Variants in GXYLT1 observed in about 807,000 individuals in gnomAD.
The protein encoded by GXYLT1 is glucoside xylosyltransferase 1, also known as glycosyltransferase 8 domain containing 3.
GXYLT1 carries 29 observed loss-of-function variants against 54.0 expected under a neutral mutation model. The observed-to-expected ratio is 0.54, with a 90% CI of 0.40 to 0.73. GXYLT1 has a LOEUF of 0.73. Ranked by LOEUF, GXYLT1 falls within the 30% of genes least tolerant of loss-of-function variation. The probability of loss-of-function intolerance (pLI) is 0.00; values close to 1 mark genes in which losing one functional copy is unlikely to be tolerated. For synonymous variants in GXYLT1, 176 were observed against 204.1 expected, an observed-to-expected ratio of 0.86 and a Z score of 1.17; for missense variants, 490 against 553.4, an observed-to-expected ratio of 0.89 and a Z score of 1.15.
intron 1 of GXYLT1, among the ~76,000 whole-genome samples, chr12:42,135,618 T>C (rs1263017378): frequency 3.3e-5 from 5 of 152,226 alleles, no homozygotes; most frequent in Admixed American, 3.3e-4. Flanking sequence ...TGGACTATTA[T>C]TTGTCCATAA....
chr12:42,108,415 T>C (rs981637390), intron 4 of GXYLT1, among the ~76,000 whole-genome samples: 3 of 152,228 alleles, frequency 2.0e-5, no homozygotes, highest in Non-Finnish European at 2.9e-5. Context: ...CTGTGTGTTC[T>C]ATTCATTCCT....
At chr12:42,128,842 T>A (rs770459536) in intron 2 of GXYLT1, among the ~76,000 whole-genome samples, 4 of 149,890 alleles carry the variant, frequency 2.7e-5, no homozygotes, top group African/African-American at 7.4e-5. Context: ...CTGGGTAATT[T>A]AAAAAAAAAA....
intron 3 of GXYLT1, among the ~76,000 whole-genome samples, chr12:42,109,966 C>T (rs1195627217): frequency 6.6e-6 from 1 of 152,138 alleles, no homozygotes; most frequent in Admixed American, 6.5e-5. Flanking sequence ...GAAAGACCCT[C>T]GCAAGTTTGT....
chr12:42,127,697 C>G (rs923342126), intron 2 of GXYLT1, among the ~76,000 whole-genome samples: 1 of 152,170 alleles, frequency 6.6e-6, no homozygotes, highest in South Asian at 2.1e-4. Flanking sequence ...GTATGCTGAA[C>G]TTTTCAAGTT....
chr12:42,092,297 G>C (rs544167318), intron 7 of GXYLT1, among the ~76,000 whole-genome samples: 4 of 152,246 alleles, frequency 2.6e-5, no homozygotes, highest in African/African-American at 9.6e-5. Flanking sequence ...TTCCACCCAC[G>C]TAAGATTAAA....
chr12:42,116,255 G>T (rs981377570), intron 3 of GXYLT1, among the ~76,000 whole-genome samples: 1 of 151,984 alleles, frequency 6.6e-6, no homozygotes, highest in African/African-American at 2.4e-5. Flanking sequence ...AAAAGCAATG[G>T]CAACAAAAGC....
intron 3 of GXYLT1, among the ~76,000 whole-genome samples, chr12:42,113,509 C>A (rs1213233624): frequency 3.3e-5 from 5 of 151,010 alleles, no homozygotes; most frequent in Non-Finnish European, 1.5e-5. Context: ...AGACTTTAAA[C>A]CAACAAAGAT....
At chr12:42,102,436 A>G (rs76232044) in intron 5 of GXYLT1, among the ~76,000 whole-genome samples, 4,471 of 152,210 alleles carry the variant, frequency 0.029, 192 homozygotes, top group East Asian at 0.1. Context: ...GTATTTTTCA[A>G]TTCATTAATG....
intron 2 of GXYLT1, among the ~76,000 whole-genome samples, chr12:42,129,250 A>G (rs2065580649): frequency 6.6e-6 from 1 of 152,204 alleles, no homozygotes; most frequent in African/African-American, 2.4e-5. Context: ...TAAAAGGTCA[A>G]TAAACATTAA....
intron 1 of GXYLT1, among the ~76,000 whole-genome samples, chr12:42,135,283 A>T (rs1411951378): frequency 6.6e-6 from 1 of 152,246 alleles, no homozygotes; most frequent in Non-Finnish European, 1.5e-5. Context: ...GCAAAGTCAT[A>T]GCCATAGACA....
At chr12:42,129,731 A>T (rs746492398) in intron 2 of GXYLT1, 28 bp downstream of exon 2, 2 of 1,411,314 alleles carry the variant, frequency 1.4e-6, no homozygotes, top group Non-Finnish European at 2.0e-6. Context: ...ATCTACACTG[A>T]TCTACCAATT....
intron 1 of GXYLT1, among the ~76,000 whole-genome samples, chr12:42,135,325 T>C (rs532414164): frequency 6.6e-6 from 1 of 152,310 alleles, no homozygotes; most frequent in East Asian, 1.9e-4. Flanking sequence ...ATGCTTGCTA[T>C]TGTAAACTGT....
At chr12:42,098,477 A>C (rs531608131) in intron 5 of GXYLT1, among the ~76,000 whole-genome samples, 12 of 152,008 alleles carry the variant, frequency 7.9e-5, no homozygotes, top group Non-Finnish European at 1.8e-4. Flanking sequence ...CTTAACTTCT[A>C]TAATTGGCAG....
At chr12:42,110,069 T>C (rs1261320767) in intron 3 of GXYLT1, among the ~76,000 whole-genome samples, 1 of 152,172 alleles carries the variant, frequency 6.6e-6, no homozygotes, top group Non-Finnish European at 1.5e-5. Flanking sequence ...CCACCATATA[T>C]ACGATATGAA....
chr12:42,137,595 A>C (rs1381413368), intron 1 of GXYLT1, among the ~76,000 whole-genome samples: 1 of 151,590 alleles, frequency 6.6e-6, no homozygotes, highest in Admixed American at 6.6e-5. Flanking sequence ...GTCTCTACTA[A>C]AAATACAAAA....
At chr12:42,139,883 A>G (rs2065641569) in intron 1 of GXYLT1, among the ~76,000 whole-genome samples, 1 of 152,100 alleles carries the variant, frequency 6.6e-6, no homozygotes, top group South Asian at 2.1e-4. Context: ...ATAACTGCAG[A>G]AAAAAGGGGG....
chr12:42,120,322 C>A (rs2065523102), intron 2 of GXYLT1, among the ~76,000 whole-genome samples: 1 of 152,154 alleles, frequency 6.6e-6, no homozygotes, highest in South Asian at 2.1e-4. Flanking sequence ...AACACACATT[C>A]ATTCCCATTT....
chr12:42,118,677 G>A (rs937436953), intron 3 of GXYLT1, among the ~76,000 whole-genome samples: 10 of 152,288 alleles, frequency 6.6e-5, no homozygotes, highest in South Asian at 6.2e-4. Context: ...CATGGGGGCC[G>A]TTTCCCCCTT....
chr12:42,103,212 G>A (rs1343405368), intron 5 of GXYLT1, among the ~76,000 whole-genome samples: 1 of 152,162 alleles, frequency 6.6e-6, no homozygotes, highest in Non-Finnish European at 1.5e-5. Flanking sequence ...ACCCACCTCG[G>A]TCTCCCAAAG....
Sources: allele counts gnomAD v4.1 joint callset (sites outside exome capture counted in the v4.1 genomes callset), GRCh38; gene constraint gnomAD v4.1.1; transcripts MANE v1.5; gene names NCBI Gene and HGNC (gene_info 2026-07-23, HGNC 2026-07-21).